Variants in MIA3 observed in about 807,000 individuals in gnomAD.
MIA3 encodes the protein transport and Golgi organization protein 1 homolog.
MIA3 carries 90 observed loss-of-function variants against 192.4 expected under a neutral mutation model. The observed-to-expected ratio is 0.47, with a 90% CI of 0.39 to 0.56. MIA3 has a LOEUF of 0.56. Among genes scored for constraint, MIA3 ranks in the 20% least tolerant of loss-of-function variants. The pLI, the probability that MIA3 is intolerant of heterozygous loss-of-function variation, is 0.00. For missense variants in MIA3, 2,123 were observed against 2,269.4 expected (o/e 0.94, Z 1.31); for synonymous variants, 740 against 792.8 (o/e 0.93, Z 1.12).
intron 6 of MIA3, among the ~76,000 whole-genome samples, chr1:222,635,950 T>G (rs1662606119): frequency 6.6e-6 from 1 of 152,264 alleles, no homozygotes; most frequent in African/African-American, 2.4e-5. Flanking sequence ...GATGATTTCC[T>G]CTATAGAATC....
At chr1:222,635,205 C>T (rs1430972218) in intron 6 of MIA3, among the ~76,000 whole-genome samples, 1 of 152,220 alleles carries the variant, frequency 6.6e-6, no homozygotes, top group African/African-American at 2.4e-5. Context: ...GGGATTAAGA[C>T]AGTCTCAGAA....
chr1:222,630,128 A>C lies in MIA3; in HGVS notation c.2908A>C (p.Asn970His). 1 of 1,614,228 alleles carries C rather than the reference A, an allele frequency of 6.2e-7. No homozygotes were observed. The highest frequency in any genetic ancestry group is 8.5e-7 in the Non-Finnish European group (1 of 1,180,036). Reference sequence around the variant, plus strand: ...AGCGCAGCAGGAGAGCCTGCCCTATAATATGGAAAAAGTCCTAGATAAGGT... The same window carrying C: ...AGCGCAGCAGGAGAGCCTGCCCTATCATATGGAAAAAGTCCTAGATAAGGT... ...KSAQQESLPY[N>H]MEKVLDKVFR... The change falls in exon 4 of 28, where the codon AAT (asparagine) becomes CAT (histidine). Residue 970 changes from asparagine to histidine, a missense_variant. Asn to His is a moderately conservative substitution (Grantham distance 68, BLOSUM62 1). Coordinates refer to ENST00000344922, the MANE Select transcript of MIA3 (RefSeq NM_198551.4).
chr1:222,627,940 G>T lies in MIA3; in HGVS notation c.720G>T (p.Val240=), dbSNP rs368720386. Residue 240 remains valine, a synonymous_variant, in exon 4 of 28, where the codon GTG becomes GTT. Coordinates refer to ENST00000344922, the MANE Select transcript of MIA3 (RefSeq NM_198551.4). The stretch of plus-strand genomic sequence containing the variant: ...AAATGCTGCAAGATAAACTAAAAGT[G>T]CCAGAAAGTGAAAACAACAAAACCA... ...FEEMLQDKLK[V]PESENNKTSN... is the part of the protein sequence containing the mutation. 1.2e-4 allele frequency: 191 copies of T among 1,613,856 alleles called. No homozygotes were observed. Among genetic ancestry groups the T allele is most frequent in the Non-Finnish European group, 1.5e-4 (175 of 1,179,992 alleles).
Position 222,652,014 on chromosome 1 carries a change from A to T in MIA3, c.3947A>T (p.Asp1316Val). The T allele has an allele frequency of 6.3e-7, 1 of 1,579,736 alleles. No individual in the cohort carries two copies. Among genetic ancestry groups the T allele is most frequent in the Non-Finnish European group, 8.7e-7 (1 of 1,148,918 alleles). ...ENKKSIEKLK[D>V]VISMNASEFS... is the part of the protein sequence containing the mutation. ...AAGAAATCTATAGAGAAGTTAAAGGATGTTATTTCAATGAATGCCTCAGAA... is the reference window on the plus strand; with the variant it reads ...AAGAAATCTATAGAGAAGTTAAAGGTTGTTATTTCAATGAATGCCTCAGAA... Residue 1316 changes from aspartate (D) to valine (V), a missense_variant, in exon 12 of 28, where the codon GAT becomes GTT. Coordinates refer to ENST00000344922, the MANE Select transcript of MIA3 (RefSeq NM_198551.4).
intron 2 of MIA3, 33 bp from the exon 3 acceptor site, chr1:222,624,735 A>C: frequency 2.1e-6 from 2 of 963,506 alleles, no homozygotes; most frequent in Non-Finnish European, 3.4e-6. Context: ...AATTTGATTG[A>C]TATGTGTCCC....
chr1:222,650,661 G>A lies in MIA3; in HGVS notation c.3748G>A (p.Glu1250Lys). The A allele has an allele frequency of 6.3e-7, 1 of 1,596,376 alleles. No individual in the cohort carries two copies. ...CAAGGAATCAAAGAAACATGTTCAG[G>A]AAACCAGGAAACAAAATATGATTCT... is the stretch of plus-strand genomic sequence containing the variant. Reference protein sequence around the residue: ...KIKESKKHVQETRKQNMILSD... With the variant: ...KIKESKKHVQKTRKQNMILSD... The change falls in exon 10 of 28, where the codon GAA (glutamate) becomes AAA (lysine). Residue 1250 changes from glutamate to lysine, a missense_variant. Coordinates refer to ENST00000344922, the MANE Select transcript of MIA3 (RefSeq NM_198551.4).
intron 7 of MIA3, chr1:222,647,936 C>G (rs1287512218): frequency 5.3e-6 from 2 of 380,162 alleles, no homozygotes; most frequent in Admixed American, 5.3e-5. Flanking sequence ...TTATTGTATA[C>G]AGTAATACAG....
chr1:222,653,164 G>T (rs774037859), intron 14 of MIA3, 34 bp downstream of exon 14: 2 of 1,595,744 alleles, frequency 1.3e-6, no homozygotes, highest in South Asian at 2.2e-5. Flanking sequence ...CTTAATTCTT[G>T]TGAATTATCA....
At position 222,630,273 on chromosome 1, in the gene MIA3, T is replaced by C. The variant is rs777709330; in HGVS notation, c.3053T>C (p.Leu1018Pro). ...AACATATTTGAAGAGGCTGCAGTGC[T>C]TGATGACATTCAAGACCTCATCTAT... ...ENNIFEEAAV[L>P]DDIQDLIYFV... is the part of the protein sequence containing the mutation. Residue 1018 changes from leucine (L) to proline (P), a missense_variant, in exon 4 of 28, where the codon CTT (leucine) becomes CCT (proline). Leu to Pro is a moderately conservative substitution (Grantham distance 98). Coordinates refer to ENST00000344922, the MANE Select transcript of MIA3 (RefSeq NM_198551.4). 1.7e-5 allele frequency: 27 copies of C among 1,614,232 alleles called. No individual in the cohort carries two copies. The highest frequency in any genetic ancestry group is 2.3e-5 in the Non-Finnish European group (27 of 1,180,042).
Position 222,618,195 on chromosome 1 carries a change from G to A in MIA3, c.85G>A (p.Gly29Ser). ...GCCGGGCCAGCTGGACCCCAGCACT[G>A]GCCGGCGGTTCTCGGAGCACAAACT... ...RVPGQLDPST[G>S]RRFSEHKLCA... Residue 29 changes from glycine (G) to serine (S), a missense_variant, in exon 1 of 28, where the codon GGC becomes AGC. Transcript: ENST00000344922. The A allele has an allele frequency of 2.0e-6, 3 of 1,498,128 alleles. No individual in the cohort carries two copies. The highest frequency in any genetic ancestry group is 2.9e-5 in the East Asian group (1 of 34,864). The allele number at this position is 1,498,128 out of a possible 1,614,324, so 92.8% of individuals were successfully genotyped here.
In MIA3 at chr1:222,628,368, G is replaced by T. The variant is rs1662220467; in HGVS notation, c.1148G>T (p.Trp383Leu). 6.2e-7 allele frequency: 1 copy of T among 1,613,820 alleles called. No individual in the cohort carries two copies. Among genetic ancestry groups the T allele is most frequent in the Non-Finnish European group, 8.5e-7 (1 of 1,179,954 alleles). ...KNDDKNILTT[W>L]GDTIFSIVTG... Reference sequence around the variant, plus strand: ...GATGATAAAAATATACTAACAACCTGGGGGGACACTATCTTCTCTATTGTC... The same window carrying T: ...GATGATAAAAATATACTAACAACCTTGGGGGACACTATCTTCTCTATTGTC... Residue 383 changes from tryptophan (W) to leucine (L), a missense_variant, in exon 4 of 28, where the codon TGG (tryptophan) becomes TTG (leucine). Trp to Leu is a moderately conservative substitution (Grantham distance 61, BLOSUM62 -2). This residue lies in a region of MIA3 where 1,357 missense variants were observed against 1,396.1 expected (regional missense o/e 0.97). Coordinates refer to ENST00000344922, the MANE Select transcript of MIA3 (RefSeq NM_198551.4).
Position 222,628,778 on chromosome 1 carries a change from G to C in MIA3, c.1558G>C (p.Ala520Pro). ...AAAGGGTAAAGACACATTAAAATCA[G>C]CTTATGATGATACAGAAAATGACCT... ...AEKGKDTLKS[A>P]YDDTENDLKG... Residue 520 changes from alanine (A) to proline (P), a missense_variant, in exon 4 of 28, where the codon GCT (alanine) becomes CCT (proline). Coordinates refer to ENST00000344922, the MANE Select transcript of MIA3 (RefSeq NM_198551.4). The C allele has an allele frequency of 1.2e-6, 2 of 1,614,086 alleles. No homozygotes were observed. The highest frequency in any genetic ancestry group is 1.7e-6 in the Non-Finnish European group (2 of 1,180,016).
Position 222,653,246 on chromosome 1 carries a change from A to G in MIA3, c.4228A>G (p.Thr1410Ala), listed in dbSNP as rs753216349. 2 of 1,613,540 alleles carry G rather than the reference A, an allele frequency of 1.2e-6. No individual in the cohort carries two copies. The highest frequency in any genetic ancestry group is 2.2e-5 in the South Asian group (2 of 91,046). The change falls in exon 15 of 28, where the codon ACA becomes GCA. Residue 1410 changes from threonine (T) to alanine (A), a missense_variant. Physicochemically the swap from Thr to Ala is moderately conservative, Grantham distance 58 (BLOSUM62 0). Transcript: ENST00000344922. ...DNINALTNCITQLNLLECESE... is the reference protein window; with the variant it reads ...DNINALTNCIAQLNLLECESE... ...TTTCTAGGCTTTGACTAACTGCATT[A>G]CACAGTTGAATCTGTTAGAGTGTGA...
intron 26 of MIA3, 144 bp from the exon 27 acceptor site, chr1:222,663,852 TGA>T (rs1664143889): frequency 1.4e-6 from 1 of 724,322 alleles, no homozygotes; most frequent in Non-Finnish European, 2.3e-6. Context: ...TGGGAACAAA[TGA>T]GAGGGGTAGA....
intron 7 of MIA3, chr1:222,647,853 A>G: frequency 5.8e-6 from 2 of 342,784 alleles, no homozygotes; most frequent in Admixed American, 3.1e-5. Context: ...AATTTTCTGA[A>G]TGCATATTCC....
Position 222,632,173 on chromosome 1 carries a change from C to T in MIA3, c.3178C>T (p.Pro1060Ser). Residue 1060 changes from proline to serine, a missense_variant, in exon 5 of 28, where the codon CCA becomes TCA. Pro to Ser is a moderately conservative substitution (Grantham distance 74). Coordinates refer to ENST00000344922, the MANE Select transcript of MIA3 (RefSeq NM_198551.4). ...GLGGAMEEMQ[P>S]LHEDNFSREK... is the part of the protein sequence containing the mutation. ...TATTCTTCTCACCCTAGAGATGCAACCACTGCATGAAGATAATTTCTCACG... is the reference window on the plus strand; with the variant it reads ...TATTCTTCTCACCCTAGAGATGCAATCACTGCATGAAGATAATTTCTCACG... 6.2e-7 allele frequency: 1 copy of T among 1,613,960 alleles called. No homozygotes were observed.
chr1:222,645,012 G>T (rs541608744), intron 6 of MIA3, among the ~76,000 whole-genome samples: 2 of 152,146 alleles, frequency 1.3e-5, no homozygotes, highest in Non-Finnish European at 1.5e-5. Flanking sequence ...ATTCAAAGCG[G>T]TTTATCTAGA....
chr1:222,649,356 ACT>A (rs1423271141), intron 8 of MIA3: 2 of 151,968 alleles, frequency 1.3e-5, no homozygotes, highest in Non-Finnish European at 2.9e-5. Context: ...AATAAATTAA[ACT>A]CTCATTGAAA....
chr1:222,638,257 G>A (rs936354665), intron 6 of MIA3, among the ~76,000 whole-genome samples: 2 of 152,118 alleles, frequency 1.3e-5, no homozygotes, highest in Non-Finnish European at 1.5e-5. Flanking sequence ...GTAGTACAAA[G>A]TCTGTTCTCT....
Sources: allele counts gnomAD v4.1 joint callset (sites outside exome capture counted in the v4.1 genomes callset), GRCh38; gene constraint gnomAD v4.1.1; regional missense constraint gnomAD v4.1.1; transcripts MANE v1.5; gene names NCBI Gene and HGNC (gene_info 2026-07-23, HGNC 2026-07-21).